The following CNBD1 variants were observed in gnomAD, a reference collection of about 807,000 sequenced individuals.
CNBD1 encodes the protein cyclic nucleotide-binding domain-containing protein 1.
Under a neutral mutation model 54.4 loss-of-function variants are expected in CNBD1, and 71 were observed. The ratio of observed to expected loss-of-function variants is 1.30; its 90% CI spans 1.08 to 1.59. The LOEUF (loss-of-function observed/expected upper bound fraction) is 1.59, where lower values mean the gene tolerates loss of function less well. Ranked by LOEUF, CNBD1 falls within the 40% of genes most tolerant of loss-of-function variation. The pLI, the probability that CNBD1 is intolerant of heterozygous loss-of-function variation, is 0.00. For missense variants in CNBD1, 659 were observed against 518.0 expected (o/e 1.27, Z -2.64); for synonymous variants, 182 against 170.7 (o/e 1.07, Z -0.51).
chr8:87,383,161 A>G (rs1307772936), downstream of CNBD1, among the ~76,000 whole-genome samples: 1 of 152,020 alleles, frequency 6.6e-6, no homozygotes, highest in Non-Finnish European at 1.5e-5. Context: ...AAAATATTCC[A>G]TTTTGTAATA....
chr8:86,918,475 A>C (rs1483801258), intron 3 of CNBD1, among the ~76,000 whole-genome samples: 1 of 152,100 alleles, frequency 6.6e-6, no homozygotes, highest in African/African-American at 2.4e-5. Flanking sequence ...TGTAGCTCCC[A>C]CAATTCCCAT....
chr8:87,116,864 A>G (rs2130710620), intron 4 of CNBD1, among the ~76,000 whole-genome samples: 1 of 152,230 alleles, frequency 6.6e-6, no homozygotes, highest in South Asian at 2.1e-4. Flanking sequence ...AACAATACAC[A>G]CACACTCCCC....
Position 86,905,185 on chromosome 8 carries a change from A to G in CNBD1, c.263A>G (p.Glu88Gly), listed in dbSNP as rs1385597913. The G allele has an allele frequency of 6.3e-7, 1 of 1,585,076 alleles. No individual in the cohort carries two copies. The highest frequency in any genetic ancestry group is 8.7e-7 in the Non-Finnish European group (1 of 1,154,686). Reference protein sequence around the residue: ...KPRLPKLFKQEEQRELNEGKE... With the variant: ...KPRLPKLFKQGEQRELNEGKE... ...AGACTTCCTAAACTTTTCAAACAGG[A>G]GGAACAAAGGTAATGATACCTTCTT... is the stretch of plus-strand genomic sequence containing the variant. The change falls in exon 3 of 11, where the codon GAG becomes GGG. Residue 88 changes from glutamate (E) to glycine (G), a missense_variant. By Grantham distance (98) the Glu-to-Gly change is moderately conservative. Transcript: ENST00000518476.
In CNBD1 at chr8:87,043,963, A is replaced by T. The variant is rs184288865; in HGVS notation, c.431+104209A>T. ...CTGTGATATTTTACTTCTACCTTGGACTTTATTGCTTTAATGTCTTTGGTA... is the reference window on the plus strand; with the variant it reads ...CTGTGATATTTTACTTCTACCTTGGTCTTTATTGCTTTAATGTCTTTGGTA... On this transcript the variant is annotated intron_variant, in intron 4 of 10. Transcript: ENST00000518476. Among the ~76,000 whole-genome samples, 245 of 152,140 alleles carry T rather than the reference A, an allele frequency of 1.6e-3. 2 individuals are homozygous for T. In the South Asian group the frequency reaches 0.017, roughly 10 times the overall value.
intron 10 of CNBD1, among the ~76,000 whole-genome samples, chr8:87,370,383 C>A (rs1024648938): frequency 1.3e-5 from 2 of 152,144 alleles, no homozygotes; most frequent in African/African-American, 4.8e-5. Context: ...TACTCTCCAG[C>A]ACCTGTTGTT....
chr8:87,212,690 T>C (rs1370366159), intron 5 of CNBD1, among the ~76,000 whole-genome samples: 1 of 152,032 alleles, frequency 6.6e-6, no homozygotes, highest in Non-Finnish European at 1.5e-5. Flanking sequence ...ATTTACAACA[T>C]ACACAAAAAA....
In CNBD1 at chr8:87,223,013, T is replaced by A. The variant is rs371295010; in HGVS notation, c.578-13906T>A. Among the ~76,000 whole-genome samples the A allele has an allele frequency of 6.9e-4, 105 of 151,232 alleles. No individual in the cohort carries two copies. The East Asian group carries it at 7.2e-3, about 10-fold the overall frequency. On this transcript the variant is annotated intron_variant, in intron 5 of 10. Transcript: ENST00000518476. ...GCAAAGTCTGGGAATCATTATTTAA[T>A]GGGCTGGAAATCAGTATTGTTTCCT...
Position 87,139,007 on chromosome 8 carries a change from G to A in CNBD1, c.432-66986G>A, listed in dbSNP as rs528626792. Among the ~76,000 whole-genome samples, 24 of 152,320 alleles carry A rather than the reference G, an allele frequency of 1.6e-4. No homozygotes were observed. The South Asian group carries it at 4.3e-3, about 28-fold the overall frequency. ...TTTTAAATTAACAGGTTAGAGAAGA[G>A]GAGATAATTTAGCAGCTATTGGTTG... On this transcript the variant is annotated intron_variant, in intron 4 of 10. Transcript: ENST00000518476.
chr8:87,359,228 A>C (rs986902228), intron 10 of CNBD1, among the ~76,000 whole-genome samples: 4 of 152,106 alleles, frequency 2.6e-5, no homozygotes, highest in Non-Finnish European at 5.9e-5. Flanking sequence ...CAAACATTTT[A>C]ATTCATTCCA....
intron 4 of CNBD1, among the ~76,000 whole-genome samples, chr8:86,975,792 G>A (rs1215726177): frequency 3.3e-5 from 5 of 151,716 alleles, no homozygotes; most frequent in Non-Finnish European, 7.4e-5. Context: ...TTAGTTTTTT[G>A]GAGAACCCTC....
intron 5 of CNBD1, among the ~76,000 whole-genome samples, chr8:87,227,562 A>G (rs1486354074): frequency 8.5e-6 from 1 of 117,442 alleles, no homozygotes; most frequent in Non-Finnish European, 1.7e-5. Context: ...AATGTTGAAT[A>G]TTGGCCCCCA....
intron 8 of CNBD1, among the ~76,000 whole-genome samples, chr8:87,334,993 G>T (rs1474384311): frequency 6.6e-6 from 1 of 151,846 alleles, no homozygotes. Flanking sequence ...CAAAGTGCTG[G>T]GATTACATGC....
intron 8 of CNBD1, among the ~76,000 whole-genome samples, chr8:87,327,642 T>G (rs913182495): frequency 6.6e-6 from 1 of 152,228 alleles, no homozygotes; most frequent in Non-Finnish European, 1.5e-5. Context: ...GGTGAGGCAG[T>G]GCCTCGCCCT....
intron 6 of CNBD1, among the ~76,000 whole-genome samples, chr8:87,247,311 GAAGT>G (rs1807825972): frequency 6.6e-6 from 1 of 152,164 alleles, no homozygotes; most frequent in Non-Finnish European, 1.5e-5. Context: ...TTCTGGTTTG[GAAGT>G]AATGCTCCAA....
chr8:87,130,801 G>A (rs1812102914), intron 4 of CNBD1, among the ~76,000 whole-genome samples: 1 of 151,434 alleles, frequency 6.6e-6, no homozygotes, highest in Non-Finnish European at 1.5e-5. Context: ...AAATTCCTGA[G>A]AAAGGATAAT....
intron 5 of CNBD1, among the ~76,000 whole-genome samples, chr8:87,211,417 G>T (rs994524849): frequency 6.6e-6 from 1 of 152,008 alleles, no homozygotes; most frequent in African/African-American, 2.4e-5. Context: ...TATGAGATTT[G>T]GGGGCCAGGG....
intron 10 of CNBD1, among the ~76,000 whole-genome samples, chr8:87,379,425 T>A (rs1212792175): frequency 6.6e-6 from 1 of 151,820 alleles, no homozygotes; most frequent in Non-Finnish European, 1.5e-5. Flanking sequence ...CAACAAAATA[T>A]ACATTTTTTT....
intron 3 of CNBD1, among the ~76,000 whole-genome samples, chr8:86,914,257 T>C (rs1809148579): frequency 6.6e-6 from 1 of 152,204 alleles, no homozygotes. Flanking sequence ...AGAGTATTGA[T>C]TGGGGAAGTG....
chr8:87,428,489 T>A (rs77145404), intron 2 of CNBD1: 2 of 374,466 alleles, frequency 5.3e-6, no homozygotes, highest in Non-Finnish European at 1.1e-5. Context: ...CAATTGCTCT[T>A]TTTATGAAGA....
Sources: gnomAD v4.1 joint callset for allele counts (sites outside exome capture counted in the v4.1 genomes callset) on GRCh38, gnomAD v4.1.1 for gene constraint, MANE v1.5 for transcripts, NCBI Gene and HGNC (gene_info 2026-07-23, HGNC 2026-07-21) for gene names.